The following NFAT5 variants were observed in gnomAD, a reference collection of about 807,000 sequenced individuals.
NFAT5 encodes nuclear factor of activated T cells 5.
NFAT5 carries 31 observed loss-of-function variants against 166.5 expected under a neutral mutation model. That is an observed-to-expected ratio of 0.19 (90% CI 0.14 to 0.25). NFAT5 has a LOEUF of 0.25. Ranked by LOEUF, NFAT5 falls within the 10% of genes least tolerant of loss-of-function variation. The probability of loss-of-function intolerance (pLI) is 1.00; values close to 1 mark genes in which losing one functional copy is unlikely to be tolerated. For missense variants in NFAT5, 1,449 were observed against 1,821.8 expected (o/e 0.80, Z 3.72); for synonymous variants, 612 against 639.7 (o/e 0.96, Z 0.65).
chr16:69,666,370 A>G (rs1268853777), intron 7 of NFAT5, among the ~76,000 whole-genome samples: 2 of 152,016 alleles, frequency 1.3e-5, no homozygotes, highest in African/African-American at 4.8e-5. Context: ...AACTACCATC[A>G]GAGTGAACAG....
Position 69,566,168 on chromosome 16 carries a change from C to CGAA in NFAT5, c.-132_-131insAGA. Reference sequence around the variant, plus strand: ...TCGGCCCAGTGGAAGTCACTACCCTCGAGGAGGAGGCAGCGGCAGCCGCCC... The same window carrying CGAA: ...TCGGCCCAGTGGAAGTCACTACCCTCGAAGAGGAGGAGGCAGCGGCAGCCGCCC... On this transcript the variant is annotated 5_prime_UTR_variant, in exon 1 of 15. Transcript: ENST00000349945. This position sits in a 1 kb window ranked among gnomAD's most constrained non-coding sequence, Gnocchi z 5.7. The CGAA allele has an allele frequency of 1.5e-6, 1 of 680,692 alleles. No individual in the cohort carries two copies. The highest frequency in any genetic ancestry group is 2.5e-6 in the Non-Finnish European group (1 of 405,778). The allele number at this position is 680,692 out of a possible 1,614,324, so 42.2% of individuals were successfully genotyped here.
At chr16:69,688,228 C>CAAAAAA (rs2037406802) in intron 11 of NFAT5, among the ~76,000 whole-genome samples, 1 of 102,404 alleles carries the variant, frequency 9.8e-6, no homozygotes, top group African/African-American at 4.3e-5. Flanking sequence ...AAAAAAAAAC[C>CAAAAAA]AGGAGTTTGA....
At chr16:69,597,768 T>C (rs746604603) in intron 2 of NFAT5, among the ~76,000 whole-genome samples, 10 of 151,858 alleles carry the variant, frequency 6.6e-5, no homozygotes, top group Non-Finnish European at 1.2e-4. Context: ...ATTTTTTGTA[T>C]TTTTTTAGTA....
intron 7 of NFAT5, among the ~76,000 whole-genome samples, chr16:69,660,855 C>A (rs2036096220): frequency 6.6e-6 from 1 of 151,342 alleles, no homozygotes; most frequent in Non-Finnish European, 1.5e-5. Flanking sequence ...GTTGCCCAGG[C>A]TGGAGTGCAA....
intron 11 of NFAT5, among the ~76,000 whole-genome samples, chr16:69,686,602 A>T (rs2037316154): frequency 1.3e-5 from 2 of 151,980 alleles, no homozygotes; most frequent in African/African-American, 4.8e-5. Context: ...GGTGGCTCAC[A>T]CCTATAATTC....
Position 69,611,596 on chromosome 16 carries a change from A to G in NFAT5, c.128-14807A>G, listed in dbSNP as rs114777203. ...TCCAGGATAAAGGCACCAACAGATT[A>G]TATGTCTGCTGAGGGTTTGCTCTCT... On this transcript the variant is annotated intron_variant, in intron 2 of 14. Transcript: ENST00000349945. Among the ~76,000 whole-genome samples, 1,328 of 152,330 alleles carry G rather than the reference A, an allele frequency of 8.7e-3. 19 individuals carry two copies. Among genetic ancestry groups the G allele is most frequent in the African/African-American group, 0.031 (1,272 of 41,574 alleles).
chr16:69,676,010 C>A (rs2036817962), intron 9 of NFAT5, among the ~76,000 whole-genome samples: 1 of 152,144 alleles, frequency 6.6e-6, no homozygotes, highest in South Asian at 2.1e-4. Context: ...AAATTAAATT[C>A]TCAGAAATGG....
At chr16:69,575,063 A>G (rs147514959) in intron 2 of NFAT5, among the ~76,000 whole-genome samples, 32 of 152,304 alleles carry the variant, frequency 2.1e-4, no homozygotes, top group African/African-American at 7.5e-4. Flanking sequence ...TTTTTCATTC[A>G]GGAAACACTG....
intron 2 of NFAT5, among the ~76,000 whole-genome samples, chr16:69,598,149 G>A (rs897385317): frequency 6.6e-6 from 1 of 151,952 alleles, no homozygotes; most frequent in African/African-American, 2.4e-5. Context: ...TTGGAAGCCC[G>A]AGGCGGGAGG....
chr16:69,593,585 G>C (rs1354456712), intron 2 of NFAT5, among the ~76,000 whole-genome samples: 1 of 152,016 alleles, frequency 6.6e-6, no homozygotes, highest in East Asian at 1.9e-4. Context: ...AAAATGCTGG[G>C]ATTATAGGCA....
Position 69,703,052 on chromosome 16 carries a change from C to T in NFAT5, c.*6701C>T, listed in dbSNP as rs1316095949. 1 of 152,574 alleles carries T rather than the reference C, an allele frequency of 6.6e-6. No individual in the cohort carries two copies. The highest frequency in any genetic ancestry group is 6.5e-5 in the Admixed American group (1 of 15,272). 9.5% of individuals were successfully genotyped at this position (152,574 alleles called of 1,614,324 possible). ...TAATATAATTGACCGGTGCTAAAGT[C>T]TCCTGTTTATCCATAAAATGGGTAC... On this transcript the variant is annotated 3_prime_UTR_variant, in exon 15 of 15. Coordinates refer to ENST00000349945, the MANE Select transcript of NFAT5 (RefSeq NM_138713.4).
At chr16:69,584,078 T>C (rs1014468920) in intron 2 of NFAT5, among the ~76,000 whole-genome samples, 5 of 151,778 alleles carry the variant, frequency 3.3e-5, no homozygotes, top group African/African-American at 1.2e-4. Flanking sequence ...TACAAAAAAT[T>C]AGCTGGGCAT....
intron 10 of NFAT5, among the ~76,000 whole-genome samples, chr16:69,681,159 G>C (rs1167802033): frequency 6.6e-6 from 1 of 152,162 alleles, no homozygotes; most frequent in Non-Finnish European, 1.5e-5. Context: ...TGGGCACAGA[G>C]AATTTGGCCT....
intron 2 of NFAT5, among the ~76,000 whole-genome samples, chr16:69,615,584 A>G (rs1170912000): frequency 6.6e-6 from 1 of 152,084 alleles, no homozygotes; most frequent in Non-Finnish European, 1.5e-5. Context: ...ATATATACAC[A>G]TTTATACCTA....
chr16:69,685,936 T>G (rs1260851336), intron 11 of NFAT5: 1 of 152,234 alleles, frequency 6.6e-6, no homozygotes, highest in Non-Finnish European at 1.5e-5. Context: ...TCCCAGCTAC[T>G]TGGGAAGCTG....
At chr16:69,581,220 T>G (rs1323465101) in intron 2 of NFAT5, among the ~76,000 whole-genome samples, 1 of 152,212 alleles carries the variant, frequency 6.6e-6, no homozygotes, top group Non-Finnish European at 1.5e-5. Flanking sequence ...TTTTGTATTT[T>G]TAGTAGAGGT....
Position 69,628,768 on chromosome 16 carries a change from TAA to T in NFAT5, c.253+2245_253+2246del, listed in dbSNP as rs547558544. Among the ~76,000 whole-genome samples, 334 of 152,278 alleles carry T rather than the reference TAA, an allele frequency of 2.2e-3. 2 individuals are homozygous for T. The highest frequency in any genetic ancestry group is 5.2e-3 in the South Asian group (25 of 4,830). On this transcript the variant is annotated intron_variant, in intron 3 of 14. Transcript: ENST00000349945. ...ATTAATTTAGACTTGTATGGGTTTTTAAAAAATCTTTAGCATTTTTGAAAAAA... is the reference window on the plus strand; with the variant it reads ...ATTAATTTAGACTTGTATGGGTTTTTAAAATCTTTAGCATTTTTGAAAAAA...
chr16:69,651,683 T>TTC (rs985454355), intron 4 of NFAT5, among the ~76,000 whole-genome samples: 1 of 150,140 alleles, frequency 6.7e-6, no homozygotes, highest in African/African-American at 2.5e-5. Flanking sequence ...TTTTTTTTTT[T>TTC]TTTTGAGACG....
At chr16:69,623,755 C>G (rs866180914) in intron 2 of NFAT5, among the ~76,000 whole-genome samples, 1 of 151,864 alleles carries the variant, frequency 6.6e-6, no homozygotes, top group Non-Finnish European at 1.5e-5. Flanking sequence ...AATCTGCCTG[C>G]CTCGGCCTCC....
Sources: allele counts gnomAD v4.1 joint callset (sites outside exome capture counted in the v4.1 genomes callset), GRCh38; gene constraint gnomAD v4.1.1; non-coding constraint Gnocchi (gnomAD v3.1); transcripts MANE v1.5; gene names NCBI Gene and HGNC (gene_info 2026-07-23, HGNC 2026-07-21).